PRKCE: variants seen among roughly 807,000 people sequenced by gnomAD.
The protein encoded by PRKCE is protein kinase C epsilon type.
In PRKCE, 16 loss-of-function variants were observed where a neutral mutation model predicts 85.4. That is an observed-to-expected ratio of 0.19 (90% CI 0.13 to 0.28). PRKCE has a LOEUF of 0.28. PRKCE is among the 10% of genes least tolerant of loss of function. PRKCE has a pLI of 1.00. For synonymous variants in PRKCE, 388 were observed against 371.5 expected (o/e 1.04, Z -0.51); for missense variants, 573 against 975.2 (o/e 0.59, Z 5.49).
intron 14 of PRKCE, among the ~76,000 whole-genome samples, chr2:46,172,605 G>A (rs1679025254): frequency 6.6e-6 from 1 of 152,212 alleles, no homozygotes; most frequent in Admixed American, 6.5e-5. Context: ...AATGTGTTTG[G>A]AGCTAACGCT....
intron 1 of PRKCE, among the ~76,000 whole-genome samples, chr2:45,812,561 A>G (rs1431833882): frequency 2.0e-5 from 3 of 152,192 alleles, no homozygotes; most frequent in Non-Finnish European, 2.9e-5. Context: ...TCCTCTGTGC[A>G]GTGGGAGTAA....
intron 11 of PRKCE, among the ~76,000 whole-genome samples, chr2:46,116,550 T>C (rs762833873): frequency 5.3e-5 from 8 of 152,212 alleles, no homozygotes; most frequent in African/African-American, 2.4e-5. Context: ...GAGTATGTGC[T>C]CCCCACCTCT....
At chr2:45,694,270 G>A (rs1490275557) in intron 1 of PRKCE, among the ~76,000 whole-genome samples, 1 of 151,680 alleles carries the variant, frequency 6.6e-6, no homozygotes, top group Non-Finnish European at 1.5e-5. Flanking sequence ...GCTGGAAATA[G>A]CAATTATTTT....
chr2:45,910,045 C>A (rs894238593), intron 2 of PRKCE, among the ~76,000 whole-genome samples: 2 of 150,682 alleles, frequency 1.3e-5, no homozygotes, highest in East Asian at 1.9e-4. Flanking sequence ...AACTCACCGC[C>A]CCCCCCCAGC....
At chr2:45,842,856 A>G (rs995023015) in intron 1 of PRKCE, 144 bp from the exon 2 acceptor site, 2 of 767,146 alleles carry the variant, frequency 2.6e-6, no homozygotes, top group Admixed American at 3.7e-5. Flanking sequence ...TCTGCATCTC[A>G]CCTAGCACTC....
intron 6 of PRKCE, among the ~76,000 whole-genome samples, chr2:45,999,180 C>T (rs2104710604): frequency 6.6e-6 from 1 of 152,206 alleles, no homozygotes; most frequent in East Asian, 1.9e-4. Flanking sequence ...TCTTTACCTG[C>T]TCTCTTTTTC....
At chr2:46,101,487 A>G (rs1265531716) in intron 11 of PRKCE, among the ~76,000 whole-genome samples, 6 of 152,152 alleles carry the variant, frequency 3.9e-5, no homozygotes, top group Non-Finnish European at 8.8e-5. Context: ...AGGGAGAGGG[A>G]ACACCAAATG....
intron 10 of PRKCE, among the ~76,000 whole-genome samples, chr2:46,023,523 G>T (rs1270655095): frequency 6.6e-6 from 1 of 152,204 alleles, no homozygotes; most frequent in South Asian, 2.1e-4. Flanking sequence ...ACTACAGCTG[G>T]TTAATGTGAG....
At chr2:45,691,257 C>G (rs1677705023) in intron 1 of PRKCE, among the ~76,000 whole-genome samples, 1 of 152,030 alleles carries the variant, frequency 6.6e-6, no homozygotes, top group Non-Finnish European at 1.5e-5. Context: ...ATTTTGCCAC[C>G]CTCAGATTTG....
At chr2:45,677,734 G>A (rs1430349238) in intron 1 of PRKCE, 1 of 357,326 alleles carries the variant, frequency 2.8e-6, no homozygotes, top group African/African-American at 2.2e-5. Flanking sequence ...TATTTAGCCT[G>A]GTAAAGATAC....
chr2:45,851,771 G>A (rs1045993538), intron 2 of PRKCE: 14 of 152,220 alleles, frequency 9.2e-5, no homozygotes, highest in South Asian at 2.1e-4. Context: ...CACAGACCAC[G>A]TCTAATGGCA....
At chr2:45,960,641 G>A (rs927232036) in intron 2 of PRKCE, among the ~76,000 whole-genome samples, 7 of 152,214 alleles carry the variant, frequency 4.6e-5, no homozygotes, top group African/African-American at 1.2e-4. Flanking sequence ...CTCCTGCTGT[G>A]CAGCCAGGTT....
intron 1 of PRKCE, among the ~76,000 whole-genome samples, chr2:45,809,955 C>T (rs1187519430): frequency 1.3e-5 from 2 of 152,058 alleles, no homozygotes; most frequent in Non-Finnish European, 2.9e-5. Context: ...GTCACCTAGG[C>T]TCCTTTATCT....
intron 7 of PRKCE, among the ~76,000 whole-genome samples, chr2:46,003,396 A>C (rs959714559): frequency 6.6e-6 from 1 of 152,276 alleles, no homozygotes; most frequent in African/African-American, 2.4e-5. Context: ...ATATGCCAGC[A>C]TCTATGCGAA....
intron 2 of PRKCE, among the ~76,000 whole-genome samples, chr2:45,960,509 A>G (rs569752855): frequency 6.6e-6 from 1 of 152,260 alleles, no homozygotes; most frequent in East Asian, 1.9e-4. Flanking sequence ...AGAAGCCCCC[A>G]ACCTAGATCC....
rs184069259 is a variant in PRKCE at position 45,744,906 on chromosome 2, G to A, written c.348+92458G>A. 1.3e-3 allele frequency among the ~76,000 whole-genome samples: 191 copies of A among 152,296 alleles called. 1 individual carries two copies. The highest frequency in any genetic ancestry group is 4.4e-3 in the African/African-American group (184 of 41,564). On this transcript the variant is annotated intron_variant, in intron 1 of 14. Coordinates refer to ENST00000306156, the MANE Select transcript of PRKCE (RefSeq NM_005400.3). The stretch of plus-strand genomic sequence containing the variant: ...TTATAGGCGTGAGCCACCGCACCCA[G>A]CCATTTGCCTAGTTTTTCAATCCTG...
In PRKCE at chr2:45,918,446, A is replaced by G. The variant is rs142422823; in HGVS notation, c.413-57983A>G. On this transcript the variant is annotated intron_variant, in intron 2 of 14. Coordinates refer to ENST00000306156, the MANE Select transcript of PRKCE (RefSeq NM_005400.3). ...TACCAAACAATTTTATCAACAATAC[A>G]TATTTAAGATTCAGCCTCTATTCAA... Among the ~76,000 whole-genome samples the G allele has an allele frequency of 2.2e-3, 339 of 152,352 alleles. 2 individuals are homozygous for G. The highest frequency in any genetic ancestry group is 7.9e-3 in the African/African-American group (328 of 41,584).
intron 11 of PRKCE, among the ~76,000 whole-genome samples, chr2:46,115,778 G>A (rs1482948323): frequency 2.6e-5 from 4 of 152,190 alleles, no homozygotes; most frequent in Non-Finnish European, 5.9e-5. Context: ...TTCCCCGTTT[G>A]TAATTAGCAC....
intron 2 of PRKCE, among the ~76,000 whole-genome samples, chr2:45,961,236 T>TC (rs35793151): frequency 0.026 from 3,859 of 150,884 alleles, 59 homozygotes; most frequent in Middle Eastern, 0.041. Context: ...CTACCTCCTT[T>TC]CCCCCCCCGA....
Sources: gnomAD v4.1 joint callset for allele counts (sites outside exome capture counted in the v4.1 genomes callset) on GRCh38, gnomAD v4.1.1 for gene constraint, MANE v1.5 for transcripts, NCBI Gene and HGNC (gene_info 2026-07-23, HGNC 2026-07-21) for gene names.